Variants in RBPJ observed in about 807,000 individuals in gnomAD.
RBPJ encodes recombination signal binding protein for immunoglobulin kappa J region.
RBPJ carries 9 observed loss-of-function variants against 67.8 expected under a neutral mutation model. That is an observed-to-expected ratio of 0.13 (90% CI 0.08 to 0.23). The LOEUF is 0.23. Ranked by LOEUF, RBPJ falls within the 10% of genes least tolerant of loss-of-function variation. The pLI, the probability that RBPJ is intolerant of heterozygous loss-of-function variation, is 1.00. For missense variants in RBPJ, 305 were observed against 595.6 expected (o/e 0.51, Z 5.08); for synonymous variants, 198 against 203.3 (o/e 0.97, Z 0.22).
intron 1 of RBPJ, chr4:26,362,535 A>G: frequency 6.2e-7 from 1 of 1,602,326 alleles, no homozygotes; most frequent in Non-Finnish European, 8.5e-7. Context: ...AATGATACAG[A>G]TACACTGGCT....
chr4:26,129,085 C>T, the RBPJ span, among the ~76,000 whole-genome samples: 2 of 152,190 alleles, frequency 1.3e-5, no homozygotes, highest in Non-Finnish European at 2.9e-5. Flanking sequence ...TTTATTAATA[C>T]AAATTCTTTC....
chr4:26,290,863 G>A lies in RBPJ; in HGVS notation c.-166-71583G>A, dbSNP rs967412861. 6.6e-5 allele frequency among the ~76,000 whole-genome samples: 10 copies of A among 150,786 alleles called. 1 individual carries two copies. Among genetic ancestry groups the A allele is most frequent in the Non-Finnish European group, 1.2e-4 (8 of 67,622 alleles). ...GGTCTCCTCCTTCGAGAAGAGAATCGTAAATGAAATACATAAAGATTAATA... is the reference window on the plus strand; with the variant it reads ...GGTCTCCTCCTTCGAGAAGAGAATCATAAATGAAATACATAAAGATTAATA... On this transcript the variant is annotated intron_variant, in intron 1 of 4. Coordinates refer to the RBPJ transcript ENST00000512351.
At chr4:26,329,522 G>A (rs760417293) in intron 1 of RBPJ, among the ~76,000 whole-genome samples, 2 of 152,134 alleles carry the variant, frequency 1.3e-5, no homozygotes, top group Non-Finnish European at 2.9e-5. Context: ...ACTTAAGCTA[G>A]GTCTTTTCCT....
intron 1 of RBPJ, among the ~76,000 whole-genome samples, chr4:26,309,348 C>T (rs1204639066): frequency 1.3e-5 from 2 of 152,164 alleles, no homozygotes; most frequent in African/African-American, 4.8e-5. Context: ...TAATTTGATT[C>T]ATGCAACAAA....
chr4:26,215,810 G>A (rs139341240), intron 1 of RBPJ, among the ~76,000 whole-genome samples: 1 of 152,014 alleles, frequency 6.6e-6, no homozygotes, highest in Non-Finnish European at 1.5e-5. Flanking sequence ...CCCGCCTCCC[G>A]CATCCCTCTC....
chr4:26,247,433 G>A (rs936467626), intron 1 of RBPJ, among the ~76,000 whole-genome samples: 4 of 151,644 alleles, frequency 2.6e-5, no homozygotes, highest in Non-Finnish European at 4.4e-5. Flanking sequence ...GGAGGGGGAC[G>A]GAGTTTCGCT....
At chr4:26,198,400 G>A (rs1405826115) in intron 1 of RBPJ, among the ~76,000 whole-genome samples, 1 of 152,146 alleles carries the variant, frequency 6.6e-6, no homozygotes, top group Non-Finnish European at 1.5e-5. Context: ...GTTCATTGCT[G>A]TATCTCCACC....
chr4:26,408,399 T>C (rs1193171880), intron 3 of RBPJ, among the ~76,000 whole-genome samples: 1 of 152,120 alleles, frequency 6.6e-6, no homozygotes, highest in Non-Finnish European at 1.5e-5. Flanking sequence ...GGTCCTTTTT[T>C]TTTTTCCCAC....
chr4:26,280,941 AT>A (rs1414110572), intron 1 of RBPJ, among the ~76,000 whole-genome samples: 1 of 152,166 alleles, frequency 6.6e-6, no homozygotes, highest in Non-Finnish European at 1.5e-5. Flanking sequence ...TTCTATCCAA[AT>A]AAGAATTTTC....
chr4:26,365,518 A>T (rs1245042839), intron 1 of RBPJ, among the ~76,000 whole-genome samples: 1 of 152,232 alleles, frequency 6.6e-6, no homozygotes, highest in Non-Finnish European at 1.5e-5. Flanking sequence ...AGAAAATAAA[A>T]TATCAGTGCA....
At chr4:26,106,667 A>G in the RBPJ span, among the ~76,000 whole-genome samples, 1 of 152,082 alleles carries the variant, frequency 6.6e-6, no homozygotes, top group Non-Finnish European at 1.5e-5. Context: ...GTTTTGTAGT[A>G]TGCCTTTGCT....
chr4:26,277,881 G>A (rs1039182030), intron 1 of RBPJ, among the ~76,000 whole-genome samples: 3 of 152,116 alleles, frequency 2.0e-5, no homozygotes, highest in Admixed American at 1.3e-4. Flanking sequence ...TAAAATATTC[G>A]ATTCAGTGTC....
rs183847201 is a variant in RBPJ, at chr4:26,184,924, C to T, written c.-167+21310C>T. Among the ~76,000 whole-genome samples the T allele has an allele frequency of 1.2e-3, 186 of 152,104 alleles. 1 individual carries two copies. The highest frequency in any genetic ancestry group is 0.01 in the Admixed American group (159 of 15,286). On this transcript the variant is annotated intron_variant, in intron 1 of 4. Coordinates refer to the RBPJ transcript ENST00000512351. ...TGGGAGGCCAAGATGGGCAGATCAC[C>T]TGAGGTCAGGAGTTCGAGACCAGCC...
intron 1 of RBPJ, among the ~76,000 whole-genome samples, chr4:26,347,966 C>CT (rs1175453268): frequency 9.2e-4 from 120 of 130,204 alleles, no homozygotes; most frequent in African/African-American, 1.7e-3. Flanking sequence ...TTTTCTTTTT[C>CT]TTTTTTTTTT....
At chr4:26,214,790 AGAAG>A (rs1484041823) in intron 1 of RBPJ, among the ~76,000 whole-genome samples, 24 of 106,498 alleles carry the variant, frequency 2.3e-4, no homozygotes, top group African/African-American at 8.6e-4. Flanking sequence ...AAAGAAAAAG[AGAAG>A]GAAGGAAGGG....
At chr4:26,131,967 C>T in the RBPJ span, among the ~76,000 whole-genome samples, 4 of 152,288 alleles carry the variant, frequency 2.6e-5, no homozygotes, top group South Asian at 6.2e-4. Context: ...GGTGGTGACA[C>T]GTAGGCTCAG....
At chr4:26,301,395 A>C (rs1722070911) in intron 1 of RBPJ, among the ~76,000 whole-genome samples, 1 of 152,054 alleles carries the variant, frequency 6.6e-6, no homozygotes, top group African/African-American at 2.4e-5. Context: ...GATCGAGACC[A>C]TCTTGGCTCA....
At chr4:26,253,374 C>G (rs1187948397) in intron 1 of RBPJ, among the ~76,000 whole-genome samples, 1 of 140,144 alleles carries the variant, frequency 7.1e-6, no homozygotes, top group Non-Finnish European at 1.5e-5. Flanking sequence ...TGCAGTGGCG[C>G]AATCTCGGCT....
the RBPJ span, among the ~76,000 whole-genome samples, chr4:26,142,257 G>A: frequency 3.3e-5 from 5 of 152,158 alleles, no homozygotes; most frequent in Non-Finnish European, 5.9e-5. Flanking sequence ...TGCAGAACAC[G>A]GAGTCTCCCA....
Sources: gnomAD v4.1 joint callset for allele counts (sites outside exome capture counted in the v4.1 genomes callset) on GRCh38, gnomAD v4.1.1 for gene constraint, MANE v1.5 for transcripts, NCBI Gene and HGNC (gene_info 2026-07-23, HGNC 2026-07-21) for gene names.